Variants in IRAG1 observed in about 807,000 individuals in gnomAD.
IRAG1 encodes the protein IP3R-associated cGMP kinase substrate.
IRAG1 carries 62 observed loss-of-function variants against 106.2 expected under a neutral mutation model. The ratio of observed to expected loss-of-function variants is 0.58; its 90% CI spans 0.48 to 0.72. The LOEUF (loss-of-function observed/expected upper bound fraction) is 0.72, where lower values mean the gene tolerates loss of function less well. IRAG1 is among the 30% of genes least tolerant of loss of function. The probability of loss-of-function intolerance (pLI) is 0.00; values close to 1 mark genes in which losing one functional copy is unlikely to be tolerated. For missense variants in IRAG1, 1,064 were observed against 1,140.7 expected (o/e 0.93, Z 0.97); for synonymous variants, 462 against 443.9 (o/e 1.04, Z -0.51).
At chr11:10,666,173 A>G (rs1859771622) in intron 1 of IRAG1, among the ~76,000 whole-genome samples, 1 of 152,168 alleles carries the variant, frequency 6.6e-6, no homozygotes, top group Non-Finnish European at 1.5e-5. Flanking sequence ...TCTGGGAGTA[A>G]TTCTGAGGCA....
chr11:10,628,941 G>C lies in IRAG1; in HGVS notation c.575-113C>G. ...CTGGGAACTGGGTCTGCCTTGCTGGGCTCAGGGGCTGATGCTGGACTGCAA... is the reference window on the plus strand; with the variant it reads ...CTGGGAACTGGGTCTGCCTTGCTGGCCTCAGGGGCTGATGCTGGACTGCAA... On this transcript the variant is annotated intron_variant, in intron 5 of 20. Coordinates refer to ENST00000423302, the MANE Select transcript of IRAG1 (RefSeq NM_130385.4). This position sits in a 1 kb window ranked among gnomAD's most constrained non-coding sequence, Gnocchi z 4.1. 13 of 970,234 alleles carry C rather than the reference G, an allele frequency of 1.3e-5. No individual in the cohort carries two copies. The South Asian group carries it at 2.0e-4, about 15-fold the overall frequency. The allele number at this position is 970,234 out of a possible 1,614,324, so 60.1% of individuals were successfully genotyped here. A position where few individuals can be genotyped will look rare whatever the true frequency, so the allele number is the denominator to read the frequency against.
chr11:10,633,289 A>C (rs571998848), intron 3 of IRAG1, among the ~76,000 whole-genome samples: 4 of 152,022 alleles, frequency 2.6e-5, no homozygotes, highest in Non-Finnish European at 2.9e-5. Context: ...GTTAGCCAGG[A>C]TGGTCTCGAT....
intron 16 of IRAG1, 21 bp downstream of exon 16, chr11:10,594,125 G>T: frequency 1.3e-6 from 2 of 1,595,832 alleles, no homozygotes; most frequent in Non-Finnish European, 1.7e-6. Flanking sequence ...AGGAGCCCTG[G>T]TATTCCTTGA....
rs1480018711 is a variant in IRAG1 at position 10,647,673 on chromosome 11, G to T, written c.225+4352C>A. On this transcript the variant is annotated intron_variant, in intron 2 of 20. Transcript: ENST00000423302. The surrounding 1 kb of genome is among the most constrained non-coding windows in gnomAD (Gnocchi z 4.3). ...TTTACAAGGCACTTCAGAGGATGCT[G>T]CACTGTCTGGGTGAGTCAGCTTCCT... 6.6e-6 allele frequency among the ~76,000 whole-genome samples: 1 copy of T among 152,152 alleles called. No individual in the cohort carries two copies. The highest frequency in any genetic ancestry group is 2.4e-5 in the African/African-American group (1 of 41,428).
At chr11:10,658,062 T>C (rs1859065179) in intron 1 of IRAG1, among the ~76,000 whole-genome samples, 1 of 152,172 alleles carries the variant, frequency 6.6e-6, no homozygotes, top group Admixed American at 6.5e-5. Context: ...TGACTCGTCA[T>C]TGTTCTTGCT....
chr11:10,609,407 C>T (rs982848578), intron 11 of IRAG1, among the ~76,000 whole-genome samples: 3 of 152,170 alleles, frequency 2.0e-5, no homozygotes, highest in African/African-American at 4.8e-5. Flanking sequence ...CTTAACTAGT[C>T]ATGGGTAAAT....
In IRAG1 at chr11:10,693,568, G is replaced by T. The variant is rs1264675909; in HGVS notation, c.35C>A (p.Ala12Asp). The change falls in exon 1 of 21, where the codon GCC (alanine) becomes GAC (aspartate). Residue 12 changes from alanine to aspartate, a missense_variant. Transcript: ENST00000423302. ...VKAPQSEERL[A>D]RGGKENNSVL... is the part of the protein sequence containing the mutation. The stretch of plus-strand genomic sequence containing the variant: ...TGAGTTATTCTCCTTTCCTCCTCTG[G>T]CCAGCCTCTCTTCACTCTGGGGAGC... The T allele has an allele frequency of 1.2e-5, 19 of 1,535,454 alleles. No individual in the cohort carries two copies. Among genetic ancestry groups the T allele is most frequent in the Non-Finnish European group, 1.7e-5 (19 of 1,146,836 alleles).
At chr11:10,693,346 C>T (rs1349594066) in intron 1 of IRAG1, 190 bp downstream of exon 1, 3 of 1,171,336 alleles carry the variant, frequency 2.6e-6, no homozygotes, top group Non-Finnish European at 3.4e-6. Flanking sequence ...GCAAGATTCA[C>T]TTCTGATTTA....
intron 3 of IRAG1, among the ~76,000 whole-genome samples, chr11:10,633,343 A>G (rs34714741): frequency 0.12 from 18,527 of 152,118 alleles, 1,328 homozygotes; most frequent in African/African-American, 0.18. Context: ...CCAAAGTGCT[A>G]GGATTACAGG....
intron 1 of IRAG1, among the ~76,000 whole-genome samples, chr11:10,693,089 A>G (rs974461221): frequency 2.6e-5 from 4 of 152,184 alleles, no homozygotes; most frequent in Admixed American, 6.5e-5. Flanking sequence ...GGATCTAGAC[A>G]GGTCATGCCA....
At chr11:10,626,790 C>A (rs1414233904) in intron 8 of IRAG1, among the ~76,000 whole-genome samples, 2 of 152,214 alleles carry the variant, frequency 1.3e-5, no homozygotes, top group Non-Finnish European at 2.9e-5. Context: ...AACCTGCAAT[C>A]CAAAACCAGC....
intron 3 of IRAG1, among the ~76,000 whole-genome samples, chr11:10,633,208 G>A (rs1036231600): frequency 1.3e-5 from 2 of 151,594 alleles, no homozygotes; most frequent in East Asian, 1.9e-4. Context: ...CCGAGTAGCT[G>A]GGACTACAGG....
chr11:10,688,998 A>G (rs1861864709), intron 1 of IRAG1, among the ~76,000 whole-genome samples: 2 of 152,238 alleles, frequency 1.3e-5, no homozygotes, highest in African/African-American at 4.8e-5. Context: ...GAGCGACTGC[A>G]GGTAAAGCAT....
intron 1 of IRAG1, among the ~76,000 whole-genome samples, chr11:10,664,979 C>T (rs1451735281): frequency 6.6e-6 from 1 of 152,162 alleles, no homozygotes; most frequent in Non-Finnish European, 1.5e-5. Flanking sequence ...CAATGAATAC[C>T]CCTTTTTTCT....
At chr11:10,582,306 A>G (rs949891077) in intron 18 of IRAG1, among the ~76,000 whole-genome samples, 7 of 152,066 alleles carry the variant, frequency 4.6e-5, no homozygotes, top group Non-Finnish European at 8.8e-5. Context: ...GCAGACCAGC[A>G]CGTTTAAGGT....
chr11:10,682,995 A>C (rs564140038), intron 1 of IRAG1, among the ~76,000 whole-genome samples: 18 of 152,342 alleles, frequency 1.2e-4, no homozygotes, highest in Non-Finnish European at 2.5e-4. Context: ...TGATCTTCAG[A>C]GTAGAGTATG....
At chr11:10,600,167 A>C (rs980539680) in intron 15 of IRAG1, among the ~76,000 whole-genome samples, 1 of 152,222 alleles carries the variant, frequency 6.6e-6, no homozygotes, top group African/African-American at 2.4e-5. Context: ...CCAACAAGAT[A>C]CCATCCCTCT....
chr11:10,664,472 T>C (rs1376185952), intron 1 of IRAG1, among the ~76,000 whole-genome samples: 1 of 152,178 alleles, frequency 6.6e-6, no homozygotes, highest in African/African-American at 2.4e-5. Flanking sequence ...CAGACTGCCA[T>C]GCTAACTGCC....
chr11:10,586,253 C>T (rs1851973901), intron 18 of IRAG1: 1 of 152,120 alleles, frequency 6.6e-6, no homozygotes, highest in African/African-American at 2.4e-5. Context: ...GCTGTTCTCT[C>T]CTGACCTCTA....
Sources: allele counts gnomAD v4.1 joint callset (sites outside exome capture counted in the v4.1 genomes callset), GRCh38; gene constraint gnomAD v4.1.1; non-coding constraint Gnocchi (gnomAD v3.1); transcripts MANE v1.5; gene names NCBI Gene and HGNC (gene_info 2026-07-23, HGNC 2026-07-21).